ASTN2: variants seen among roughly 807,000 people sequenced by gnomAD.
The protein encoded by ASTN2 is astrotactin 2.
Under a neutral mutation model 139.8 loss-of-function variants are expected in ASTN2, and 54 were observed. The observed-to-expected ratio is 0.39, with a 90% CI of 0.31 to 0.48. ASTN2 has a LOEUF of 0.48. Among genes scored for constraint, ASTN2 ranks in the 20% least tolerant of loss-of-function variants. The pLI is 0.95. For synonymous variants in ASTN2, 756 were observed against 719.5 expected, an observed-to-expected ratio of 1.05 and a Z score of -0.81; for missense variants, 1,565 against 1,725.1, an observed-to-expected ratio of 0.91 and a Z score of 1.64.
chr9:116,791,023 G>GA (rs1286644530), intron 13 of ASTN2, among the ~76,000 whole-genome samples: 4 of 126,756 alleles, frequency 3.2e-5, no homozygotes, highest in East Asian at 5.4e-4. Flanking sequence ...AAGAAAGAAA[G>GA]AAAGAAAGAA....
intron 2 of ASTN2, among the ~76,000 whole-genome samples, chr9:117,287,272 C>T (rs1462103623): frequency 6.6e-6 from 1 of 152,100 alleles, no homozygotes; most frequent in African/African-American, 2.4e-5. Flanking sequence ...GCCAAGGACA[C>T]AAAGGTAGTG....
intron 13 of ASTN2, among the ~76,000 whole-genome samples, chr9:116,755,857 G>A (rs1427493071): frequency 6.6e-6 from 1 of 152,240 alleles, no homozygotes; most frequent in Non-Finnish European, 1.5e-5. Flanking sequence ...ATGTAAACAT[G>A]GAAGGAGAGA....
chr9:117,112,143 A>G (rs999889118), intron 4 of ASTN2, among the ~76,000 whole-genome samples: 13 of 152,054 alleles, frequency 8.5e-5, no homozygotes, highest in African/African-American at 2.9e-4. Context: ...AAGAAAATCT[A>G]AATAAACAAA....
At chr9:116,510,786 T>C (rs937260242) in intron 19 of ASTN2, among the ~76,000 whole-genome samples, 5 of 152,202 alleles carry the variant, frequency 3.3e-5, no homozygotes, top group African/African-American at 4.8e-5. Flanking sequence ...AGTTCACTCA[T>C]GATTTGGCTC....
intron 2 of ASTN2, among the ~76,000 whole-genome samples, chr9:117,275,509 C>T (rs767888287): frequency 1.3e-5 from 2 of 151,760 alleles, no homozygotes; most frequent in Admixed American, 1.3e-4. Flanking sequence ...CCTGTCTTCC[C>T]ATGGCCCTTT....
At chr9:116,681,224 C>T (rs1446667629) in intron 16 of ASTN2, among the ~76,000 whole-genome samples, 1 of 152,148 alleles carries the variant, frequency 6.6e-6, no homozygotes, top group African/African-American at 2.4e-5. Flanking sequence ...TTCTTATATA[C>T]CAATAACAGA....
chr9:117,005,962 T>C (rs1270551966), intron 7 of ASTN2, among the ~76,000 whole-genome samples: 1 of 152,094 alleles, frequency 6.6e-6, no homozygotes, highest in East Asian at 1.9e-4. Flanking sequence ...AAGTGCAGGC[T>C]CCCAGCACCA....
At chr9:117,388,037 C>T (rs929242004) in intron 1 of ASTN2, among the ~76,000 whole-genome samples, 1 of 152,108 alleles carries the variant, frequency 6.6e-6, no homozygotes, top group African/African-American at 2.4e-5. Context: ...GGGCTTTGGG[C>T]CCCTTCACCC....
chr9:116,621,414 T>TACAC lies in ASTN2; in HGVS notation c.3073-975_3073-972dup, dbSNP rs56109422. On this transcript the variant is annotated intron_variant, in intron 17 of 22. Transcript: ENST00000313400. The stretch of plus-strand genomic sequence containing the variant: ...TGCTTCATAGTCTTTTTAAAACACA[T>TACAC]ACACACACACACACACACACATGCA... Among the ~76,000 whole-genome samples, 379 of 142,256 alleles carry TACAC rather than the reference T, an allele frequency of 2.7e-3. 2 individuals are homozygous for TACAC. The highest frequency in any genetic ancestry group is 9.0e-3 in the African/African-American group (353 of 39,318). The allele number at this position is 142,256 out of a possible 152,430, so 93.3% of individuals were successfully genotyped here.
At chr9:117,216,373 G>C (rs1459004170) in intron 2 of ASTN2, among the ~76,000 whole-genome samples, 1 of 152,272 alleles carries the variant, frequency 6.6e-6, no homozygotes. Context: ...ATGCAGGTGT[G>C]GCTGATAGCT....
intron 6 of ASTN2, among the ~76,000 whole-genome samples, chr9:117,018,738 A>G (rs1274201878): frequency 1.3e-5 from 2 of 152,158 alleles, no homozygotes; most frequent in Admixed American, 1.3e-4. Flanking sequence ...AATAGCACTT[A>G]TCTTGCAGTA....
chr9:117,196,161 G>A (rs1438940348), intron 3 of ASTN2, among the ~76,000 whole-genome samples: 1 of 152,120 alleles, frequency 6.6e-6, no homozygotes, highest in Non-Finnish European at 1.5e-5. Flanking sequence ...CTCCAGCTGT[G>A]TTACCTTGAG....
chr9:117,391,642 G>A (rs1289210600), intron 1 of ASTN2, among the ~76,000 whole-genome samples: 1 of 151,908 alleles, frequency 6.6e-6, no homozygotes, highest in Non-Finnish European at 1.5e-5. Flanking sequence ...TTCGCCCCTG[G>A]CCCCTCCCAA....
At chr9:116,946,005 G>GGA (rs754869321) in intron 10 of ASTN2, among the ~76,000 whole-genome samples, 14 of 152,060 alleles carry the variant, frequency 9.2e-5, no homozygotes, top group Admixed American at 6.6e-4. Flanking sequence ...CATGGTGGTA[G>GGA]GAGAGAGAGA....
At chr9:117,373,896 GAA>G (rs1564172285) in intron 1 of ASTN2, among the ~76,000 whole-genome samples, 1 of 152,168 alleles carries the variant, frequency 6.6e-6, no homozygotes, top group East Asian at 1.9e-4. Context: ...ATGTTCCAGG[GAA>G]GAGCTAATAG....
chr9:116,768,846 T>C (rs181461988), intron 13 of ASTN2, among the ~76,000 whole-genome samples: 34 of 152,330 alleles, frequency 2.2e-4, no homozygotes, highest in African/African-American at 8.2e-4. Context: ...TTATCCAGTT[T>C]ATGATATTTT....
At chr9:116,779,896 A>T (rs1470695345) in intron 13 of ASTN2, among the ~76,000 whole-genome samples, 2 of 152,134 alleles carry the variant, frequency 1.3e-5, no homozygotes, top group African/African-American at 4.8e-5. Context: ...CTCATTAATC[A>T]CTTCACTAAT....
At chr9:117,388,929 T>C (rs1830473502) in intron 1 of ASTN2, among the ~76,000 whole-genome samples, 2 of 152,228 alleles carry the variant, frequency 1.3e-5, no homozygotes, top group Non-Finnish European at 2.9e-5. Context: ...AAATAATTTA[T>C]TCAATGTGCA....
At chr9:117,286,219 A>C in intron 2 of ASTN2, among the ~76,000 whole-genome samples, 1 of 152,216 alleles carries the variant, frequency 6.6e-6, no homozygotes, top group East Asian at 1.9e-4. Flanking sequence ...CCAATGTGAC[A>C]ATGGCAATGG....
Sources: allele counts gnomAD v4.1 joint callset (sites outside exome capture counted in the v4.1 genomes callset), GRCh38; gene constraint gnomAD v4.1.1; transcripts MANE v1.5; gene names NCBI Gene and HGNC (gene_info 2026-07-23, HGNC 2026-07-21).